The following PTPRM variants were observed in gnomAD, a reference collection of about 807,000 sequenced individuals.
The protein encoded by PTPRM is protein tyrosine phosphatase receptor type M, also known as receptor-type tyrosine-protein phosphatase mu.
PTPRM carries 47 observed loss-of-function variants against 186.7 expected under a neutral mutation model. That is an observed-to-expected ratio of 0.25 (90% CI 0.20 to 0.32). The LOEUF (loss-of-function observed/expected upper bound fraction) is 0.32, where lower values mean the gene tolerates loss of function less well. Among genes scored for constraint, PTPRM ranks in the 10% least tolerant of loss-of-function variants. The probability of loss-of-function intolerance (pLI) is 1.00; values close to 1 mark genes in which losing one functional copy is unlikely to be tolerated. For synonymous variants in PTPRM, 668 were observed against 674.9 expected (o/e 0.99, Z 0.16); for missense variants, 1,494 against 1,865.0 (o/e 0.80, Z 3.66).
rs1726850245 is a variant in PTPRM, at chr18:7,926,602, G to A, written c.582G>A (p.Val194=). 3.1e-6 allele frequency: 5 copies of A among 1,613,416 alleles called. No homozygotes were observed. The African/African-American group carries it at 6.7e-5, about 22-fold the overall frequency. The change falls in exon 5 of 33, where the codon GTG becomes GTA. Residue 194 remains valine (V), a synonymous_variant. Transcript: ENST00000580170. ...RTPHFLRIQN[V]EVNAGQFATF... is the part of the protein sequence containing the mutation. ...CTCACTTCCTGCGGATTCAGAATGT[G>A]GAAGTTAATGCTGGCCAGTTTGCTA...
intron 2 of PTPRM, among the ~76,000 whole-genome samples, chr18:7,788,658 T>C (rs1412949490): frequency 6.6e-6 from 1 of 152,238 alleles, no homozygotes; most frequent in African/African-American, 2.4e-5. Context: ...AAAATTGTGC[T>C]TAATGGAAAT....
intron 23 of PTPRM, among the ~76,000 whole-genome samples, chr18:8,344,448 G>GTGTGTGTGTGTATATATATA: frequency 6.0e-5 from 2 of 33,428 alleles, no homozygotes; most frequent in South Asian, 2.3e-3. Flanking sequence ...GTGTGTGTGT[G>GTGTGTGTGTGTATATATATA]TATATATATA....
At chr18:7,674,794 C>G (rs1440622892) in intron 1 of PTPRM, among the ~76,000 whole-genome samples, 1 of 152,196 alleles carries the variant, frequency 6.6e-6, no homozygotes, top group Non-Finnish European at 1.5e-5. Context: ...ACACATAGTG[C>G]ATTCTGTTAA....
At chr18:7,970,556 A>G (rs1178812628) in intron 7 of PTPRM, among the ~76,000 whole-genome samples, 21 of 31,900 alleles carry the variant, frequency 6.6e-4, no homozygotes, top group African/African-American at 3.5e-3. Flanking sequence ...TTATCTAGAA[A>G]ACCCCATTGT....
chr18:7,948,724 C>T (rs754756432), intron 5 of PTPRM, among the ~76,000 whole-genome samples: 2 of 152,132 alleles, frequency 1.3e-5, no homozygotes, highest in Non-Finnish European at 2.9e-5. Flanking sequence ...TAAAACCTAA[C>T]TTATAGTTGA....
At chr18:7,678,636 C>A (rs1297968714) in intron 1 of PTPRM, among the ~76,000 whole-genome samples, 1 of 152,078 alleles carries the variant, frequency 6.6e-6, no homozygotes, top group Non-Finnish European at 1.5e-5. Context: ...ATGAAGTCCA[C>A]CCCTGTTTTA....
At chr18:7,921,931 C>A (rs1026959985) in intron 4 of PTPRM, among the ~76,000 whole-genome samples, 5 of 152,088 alleles carry the variant, frequency 3.3e-5, no homozygotes, top group South Asian at 2.1e-4. Flanking sequence ...GTTTTTGTTT[C>A]TTGTGGATGT....
chr18:8,357,192 C>T (rs2095567800), intron 23 of PTPRM, among the ~76,000 whole-genome samples: 1 of 152,212 alleles, frequency 6.6e-6, no homozygotes, highest in Admixed American at 6.5e-5. Flanking sequence ...ACTGTTTTCA[C>T]ATGAATTGTG....
chr18:8,200,547 C>A (rs2093841111), intron 14 of PTPRM, among the ~76,000 whole-genome samples: 1 of 152,226 alleles, frequency 6.6e-6, no homozygotes, highest in Non-Finnish European at 1.5e-5. Context: ...AGTCTCTGTT[C>A]TGGGGAACTG....
intron 24 of PTPRM, among the ~76,000 whole-genome samples, chr18:8,375,612 C>T (rs1163003289): frequency 6.6e-6 from 1 of 152,166 alleles, no homozygotes; most frequent in Non-Finnish European, 1.5e-5. Flanking sequence ...CGGAAAGCCC[C>T]AACACGGAGT....
At chr18:7,650,410 A>T (rs2038669255) in intron 1 of PTPRM, among the ~76,000 whole-genome samples, 1 of 148,190 alleles carries the variant, frequency 6.7e-6, no homozygotes, top group African/African-American at 2.5e-5. Context: ...TTTGTATATT[A>T]TATCCCTCTT....
At chr18:7,920,571 C>T (rs1179929068) in intron 4 of PTPRM, among the ~76,000 whole-genome samples, 1 of 152,046 alleles carries the variant, frequency 6.6e-6, no homozygotes, top group Non-Finnish European at 1.5e-5. Context: ...GTTACCATAC[C>T]TATTACTGTT....
intron 13 of PTPRM, among the ~76,000 whole-genome samples, chr18:8,132,729 C>T (rs1298258097): frequency 6.6e-6 from 1 of 152,136 alleles, no homozygotes; most frequent in African/African-American, 2.4e-5. Flanking sequence ...CACTTTGTGT[C>T]TCTCTGATAT....
chr18:8,304,294 C>T (rs1265713739), intron 20 of PTPRM, among the ~76,000 whole-genome samples: 2 of 152,192 alleles, frequency 1.3e-5, no homozygotes, highest in South Asian at 2.1e-4. Flanking sequence ...ATACCATGTT[C>T]TACAGACTTA....
rs566042592 is a variant in PTPRM at position 8,372,326 on chromosome 18, G to A, written c.3171+1320G>A. On this transcript the variant is annotated intron_variant, in intron 24 of 32. Coordinates refer to ENST00000580170, the MANE Select transcript of PTPRM (RefSeq NM_001105244.2). Reference sequence around the variant, plus strand: ...CCTGACCTCATGATCCACCCGCCTCGGCCTCCCAAAGTGCTGGGATTACAG... The same window carrying A: ...CCTGACCTCATGATCCACCCGCCTCAGCCTCCCAAAGTGCTGGGATTACAG... Among the ~76,000 whole-genome samples the A allele has an allele frequency of 2.8e-3, 400 of 142,142 alleles. 17 individuals carry two copies. Among genetic ancestry groups the A allele is most frequent in the African/African-American group, 0.01 (385 of 36,808 alleles). 93.3% of individuals were successfully genotyped at this position (142,142 alleles called of 152,430 possible).
At chr18:7,647,914 A>G (rs1294844013) in intron 1 of PTPRM, among the ~76,000 whole-genome samples, 1 of 152,130 alleles carries the variant, frequency 6.6e-6, no homozygotes, top group Non-Finnish European at 1.5e-5. Context: ...ACCCTTGGAG[A>G]ACTGTTGGTA....
chr18:8,032,053 C>A (rs983049973), intron 7 of PTPRM, among the ~76,000 whole-genome samples: 2 of 152,158 alleles, frequency 1.3e-5, no homozygotes, highest in African/African-American at 4.8e-5. Context: ...AATTATTAGT[C>A]ATCGTTGTTC....
Position 8,327,444 on chromosome 18 carries a change from A to G in PTPRM, c.2956+8230A>G, listed in dbSNP as rs1286680377. Among the ~76,000 whole-genome samples, 6 of 152,332 alleles carry G rather than the reference A, an allele frequency of 3.9e-5. No individual in the cohort carries two copies. The East Asian group carries it at 1.2e-3, about 29-fold the overall frequency. On this transcript the variant is annotated intron_variant, in intron 22 of 32. Transcript: ENST00000580170. ...TTCATCATGACCAGGGCATCTGAAG[A>G]AGGGGTCGGAGAGTTTATTCATGAT...
At chr18:8,351,222 C>T (rs2095532415) in intron 23 of PTPRM, among the ~76,000 whole-genome samples, 1 of 152,182 alleles carries the variant, frequency 6.6e-6, no homozygotes, top group Admixed American at 6.5e-5. Flanking sequence ...TCATCAGCAT[C>T]CTCTCTGTAT....
Sources: gnomAD v4.1 joint callset for allele counts (sites outside exome capture counted in the v4.1 genomes callset) on GRCh38, gnomAD v4.1.1 for gene constraint, MANE v1.5 for transcripts, NCBI Gene and HGNC (gene_info 2026-07-23, HGNC 2026-07-21) for gene names.